Variants in CCDC178 observed in about 807,000 individuals in gnomAD.
CCDC178 encodes the protein coiled-coil domain-containing protein 178.
In CCDC178, 126 loss-of-function variants were observed where a neutral mutation model predicts 117.4. The observed-to-expected ratio is 1.07, with a 90% confidence interval of 0.93 to 1.24. The LOEUF (loss-of-function observed/expected upper bound fraction) is 1.24, where lower values mean the gene tolerates loss of function less well. CCDC178 is among the 50% of genes most tolerant of loss of function. The probability of loss-of-function intolerance (pLI) is 0.00; values close to 1 mark genes in which losing one functional copy is unlikely to be tolerated. For missense variants in CCDC178, 1,030 were observed against 986.9 expected, an observed-to-expected ratio of 1.04 and a Z score of -0.59; for synonymous variants, 283 against 313.4, an observed-to-expected ratio of 0.90 and a Z score of 1.02.
At chr18:33,229,525 T>C (rs550597057) in intron 15 of CCDC178, among the ~76,000 whole-genome samples, 1 of 152,308 alleles carries the variant, frequency 6.6e-6, no homozygotes, top group South Asian at 2.1e-4. Context: ...ATAGTTATGA[T>C]TGTCCCTTTT....
intron 22 of CCDC178, among the ~76,000 whole-genome samples, chr18:32,946,583 G>A (rs1166873239): frequency 6.6e-6 from 1 of 152,014 alleles, no homozygotes; most frequent in African/African-American, 2.4e-5. Flanking sequence ...GAAATTGTAT[G>A]CAATCATCTT....
At position 32,937,541 on chromosome 18, in the gene CCDC178, T is replaced by C. The variant is rs1056878790; in HGVS notation, c.*470A>G. On this transcript the variant is annotated 3_prime_UTR_variant, in exon 23 of 23. Coordinates refer to ENST00000383096, the MANE Select transcript of CCDC178 (RefSeq NM_001105528.4). ...CTCTCAGTGAGCTAAAAAAGACTGG[T>C]AAACACAAAAACAAAAGTACATTAG... 1 of 153,886 alleles carries C rather than the reference T, an allele frequency of 6.5e-6. No individual in the cohort carries two copies. Among genetic ancestry groups the C allele is most frequent in the African/African-American group, 2.4e-5 (1 of 41,422 alleles). The allele number at this position is 153,886 out of a possible 1,614,324, so 9.5% of individuals were successfully genotyped here.
At chr18:33,192,462 C>T (rs2058870535) in intron 20 of CCDC178, among the ~76,000 whole-genome samples, 1 of 152,102 alleles carries the variant, frequency 6.6e-6, no homozygotes, top group Non-Finnish European at 1.5e-5. Context: ...ATGATGTGGA[C>T]ATTAATAATT....
intron 18 of CCDC178, among the ~76,000 whole-genome samples, chr18:33,218,630 A>C (rs1336630260): frequency 6.6e-6 from 1 of 152,086 alleles, no homozygotes; most frequent in African/African-American, 2.4e-5. Flanking sequence ...ATTTTTGTAT[A>C]AGGTATAAGG....
chr18:33,071,442 G>C (rs971653738), intron 21 of CCDC178, among the ~76,000 whole-genome samples: 13 of 152,064 alleles, frequency 8.5e-5, no homozygotes, highest in Admixed American at 8.5e-4. Context: ...TTGGTTATCT[G>C]AGAAGATACC....
chr18:33,283,725 G>C (rs1306920436), intron 12 of CCDC178, among the ~76,000 whole-genome samples: 1 of 152,098 alleles, frequency 6.6e-6, no homozygotes, highest in African/African-American at 2.4e-5. Flanking sequence ...ACACCAGAAA[G>C]AATGGCTATT....
chr18:33,227,339 A>G (rs1411640005), intron 15 of CCDC178, among the ~76,000 whole-genome samples: 1 of 151,314 alleles, frequency 6.6e-6, no homozygotes, highest in African/African-American at 2.4e-5. Flanking sequence ...AAAAATTTGG[A>G]AAAATCTTTT....
At chr18:33,120,875 G>T (rs1398987254) in intron 20 of CCDC178, among the ~76,000 whole-genome samples, 2 of 152,026 alleles carry the variant, frequency 1.3e-5, no homozygotes, top group African/African-American at 4.8e-5. Flanking sequence ...TACTATTCAA[G>T]GATTTTTATA....
intron 20 of CCDC178, among the ~76,000 whole-genome samples, chr18:33,191,134 A>T (rs1221176484): frequency 2.6e-5 from 4 of 152,170 alleles, no homozygotes; most frequent in Non-Finnish European, 5.9e-5. Flanking sequence ...AAATTAGATT[A>T]CCACATTCAG....
intron 21 of CCDC178, among the ~76,000 whole-genome samples, chr18:33,047,332 G>A (rs918909491): frequency 3.3e-5 from 5 of 152,040 alleles, no homozygotes; most frequent in Non-Finnish European, 5.9e-5. Flanking sequence ...CTCCCATAAC[G>A]TCTGTGTCTC....
intron 6 of CCDC178, among the ~76,000 whole-genome samples, chr18:33,367,981 T>C (rs2063238069): frequency 6.6e-6 from 1 of 151,994 alleles, no homozygotes; most frequent in South Asian, 2.1e-4. Context: ...TTTTCTATCA[T>C]TGTTATTGTG....
intron 20 of CCDC178, among the ~76,000 whole-genome samples, chr18:33,139,259 C>T (rs1215161553): frequency 1.3e-5 from 2 of 152,136 alleles, no homozygotes; most frequent in African/African-American, 2.4e-5. Flanking sequence ...TTGTCAGCAG[C>T]ATGAAAACTA....
chr18:33,218,558 T>G (rs2059195192), intron 18 of CCDC178, among the ~76,000 whole-genome samples: 1 of 152,168 alleles, frequency 6.6e-6, no homozygotes, highest in African/African-American at 2.4e-5. Flanking sequence ...TTGCCTAGGT[T>G]TTTTTCTAGG....
chr18:33,116,044 C>T lies in CCDC178; in HGVS notation c.2239-23134G>A, dbSNP rs189896513. 7.3e-4 allele frequency among the ~76,000 whole-genome samples: 111 copies of T among 152,144 alleles called. 1 individual carries two copies. The highest frequency in any genetic ancestry group is 3.8e-4 in the Non-Finnish European group (26 of 67,978). ...TTCCTAATTTTTTCTGATAGTTACT[C>T]TTCAAGGAATTGCCACACTGAGCTT... On this transcript the variant is annotated intron_variant, in intron 20 of 22. Transcript: ENST00000383096.
chr18:32,963,033 G>A (rs2054739542), intron 22 of CCDC178, among the ~76,000 whole-genome samples: 1 of 151,942 alleles, frequency 6.6e-6, no homozygotes, highest in Non-Finnish European at 1.5e-5. Flanking sequence ...GTTTCACACT[G>A]TCTTCCTCCA....
chr18:33,210,739 G>A (rs1245721388), intron 20 of CCDC178, among the ~76,000 whole-genome samples: 2 of 151,988 alleles, frequency 1.3e-5, no homozygotes, highest in Middle Eastern at 3.4e-3. Flanking sequence ...CTCAGCCATC[G>A]GTTTCAGCAA....
intron 22 of CCDC178, among the ~76,000 whole-genome samples, chr18:32,959,991 A>T (rs2054674344): frequency 6.6e-6 from 1 of 152,150 alleles, no homozygotes; most frequent in Non-Finnish European, 1.5e-5. Flanking sequence ...TTATTTTAAA[A>T]TCAAGGGAAG....
rs78189844 is a variant in CCDC178 at position 33,093,329 on chromosome 18, T to A, written c.2239-419A>T. Among the ~76,000 whole-genome samples the A allele has an allele frequency of 7.7e-3, 1,172 of 152,146 alleles. 36 individuals are homozygous for A. In the East Asian group the frequency reaches 0.095, roughly 12 times the overall value. ...TGTGCTTAAATGAGTAGATGGTACC[T>A]TGTAGCTTAGAATTTCATCTCCATG... On this transcript the variant is annotated intron_variant, in intron 20 of 22. Transcript: ENST00000383096.
chr18:33,207,283 G>C (rs2059055190), intron 20 of CCDC178, among the ~76,000 whole-genome samples: 1 of 151,580 alleles, frequency 6.6e-6, no homozygotes, highest in South Asian at 2.1e-4. Context: ...GTACAAAATA[G>C]AATTATAGAC....
Sources: gnomAD v4.1 joint callset for allele counts (sites outside exome capture counted in the v4.1 genomes callset) on GRCh38, gnomAD v4.1.1 for gene constraint, MANE v1.5 for transcripts, NCBI Gene and HGNC (gene_info 2026-07-23, HGNC 2026-07-21) for gene names.